ZFYVE28: variants seen among roughly 807,000 people sequenced by gnomAD.
ZFYVE28 encodes the protein zinc finger FYVE-type containing 28.
Under a neutral mutation model 82.1 loss-of-function variants are expected in ZFYVE28, and 40 were observed. The observed-to-expected ratio is 0.49, with a 90% CI of 0.38 to 0.63. The LOEUF (loss-of-function observed/expected upper bound fraction) is 0.63, where lower values mean the gene tolerates loss of function less well. ZFYVE28 is among the 30% of genes least tolerant of loss of function. ZFYVE28 has a pLI of 0.00. For missense variants in ZFYVE28, 1,321 were observed against 1,242.1 expected (o/e 1.06, Z -0.96); for synonymous variants, 612 against 546.1 (o/e 1.12, Z -1.68).
intron 1 of ZFYVE28, chr4:2,364,685 C>CT: frequency 2.0e-6 from 2 of 985,502 alleles, no homozygotes; most frequent in Non-Finnish European, 2.4e-6. Context: ...TGGACAAGCC[C>CT]TTAGCACCTC....
At chr4:2,291,156 G>A (rs1312035604) in intron 8 of ZFYVE28, among the ~76,000 whole-genome samples, 6 of 152,268 alleles carry the variant, frequency 3.9e-5, no homozygotes, top group Non-Finnish European at 1.5e-5. Flanking sequence ...CACAACTGGC[G>A]AGTCTCAGAG....
chr4:2,321,910 C>T (rs1213389035), intron 6 of ZFYVE28, among the ~76,000 whole-genome samples: 3 of 152,144 alleles, frequency 2.0e-5, no homozygotes, highest in Non-Finnish European at 4.4e-5. Flanking sequence ...GGGACAAGGC[C>T]CACCCATGAG....
At chr4:2,318,822 T>C (rs1314154727) in intron 7 of ZFYVE28, among the ~76,000 whole-genome samples, 2 of 151,920 alleles carry the variant, frequency 1.3e-5, no homozygotes, top group Non-Finnish European at 2.9e-5. Flanking sequence ...GGAGGAAAGC[T>C]TAAGCCTAGG....
At position 2,320,361 on chromosome 4, in the gene ZFYVE28, G is replaced by A. The variant is rs961778548; in HGVS notation, c.702-90C>T. The A allele has an allele frequency of 1.4e-5, 16 of 1,150,750 alleles. No individual in the cohort carries two copies. Among genetic ancestry groups the A allele is most frequent in the South Asian group, 5.7e-5 (4 of 70,148 alleles). The allele number at this position is 1,150,750 out of a possible 1,614,324, so 71.3% of individuals were successfully genotyped here. A position where few individuals can be genotyped will look rare whatever the true frequency, so the allele number is the denominator to read the frequency against. On this transcript the variant is annotated intron_variant, in intron 6 of 12. Transcript: ENST00000290974. The surrounding 1 kb of genome is among the most constrained non-coding windows in gnomAD (Gnocchi z 5.1). ...CAACTTAACCACCTGCGAAAACCAC[G>A]CCCGCTGGGACTCTGCAGCGCCACT... is the stretch of plus-strand genomic sequence containing the variant.
intron 8 of ZFYVE28, among the ~76,000 whole-genome samples, chr4:2,278,929 TC>T (rs35053913): frequency 0.66 from 94,411 of 143,982 alleles, 31,607 homozygotes; most frequent in African/African-American, 0.8. Flanking sequence ...ATTAGAATGT[TC>T]CCCCCCCCCT....
At chr4:2,319,935 C>T (rs1297342281) in intron 7 of ZFYVE28, among the ~76,000 whole-genome samples, 2 of 152,154 alleles carry the variant, frequency 1.3e-5, no homozygotes, top group South Asian at 4.1e-4. Context: ...GGTTCACTCC[C>T]CCAGCTCAGC....
At chr4:2,348,610 TA>T (rs1235431872) in intron 2 of ZFYVE28, among the ~76,000 whole-genome samples, 2 of 152,122 alleles carry the variant, frequency 1.3e-5, no homozygotes, top group Non-Finnish European at 2.9e-5. Flanking sequence ...AATGCAGGAG[TA>T]ATTTTTTTTA....
chr4:2,358,431 C>T (rs572039591), intron 1 of ZFYVE28, among the ~76,000 whole-genome samples: 1 of 152,270 alleles, frequency 6.6e-6, no homozygotes, highest in African/African-American at 2.4e-5. Context: ...GGTAGGGAAC[C>T]CTTCAGGGAC....
chr4:2,357,468 T>G (rs1725502775), intron 1 of ZFYVE28, among the ~76,000 whole-genome samples: 1 of 152,182 alleles, frequency 6.6e-6, no homozygotes, highest in Admixed American at 6.5e-5. Flanking sequence ...AAGGCCTGCA[T>G]GAGACCCGCT....
chr4:2,315,901 T>A (rs1718136668), intron 7 of ZFYVE28, among the ~76,000 whole-genome samples: 1 of 152,142 alleles, frequency 6.6e-6, no homozygotes, highest in Non-Finnish European at 1.5e-5. Flanking sequence ...GGGATTCCAA[T>A]TATGTTTTTT....
Position 2,305,145 on chromosome 4 carries a change from G to T in ZFYVE28, c.1195C>A (p.Arg399Ser). The T allele has an allele frequency of 1.3e-6, 2 of 1,589,238 alleles. No individual in the cohort carries two copies. The highest frequency in any genetic ancestry group is 1.7e-6 in the Non-Finnish European group (2 of 1,166,122). Residue 399 changes from arginine (R) to serine (S), a missense_variant, in exon 8 of 13, where the codon CGC becomes AGC. Arg to Ser is a moderately radical substitution (Grantham distance 110, BLOSUM62 -1). Coordinates refer to ENST00000290974, the MANE Select transcript of ZFYVE28 (RefSeq NM_020972.3). ...RLRSGSDEEE[R>S]VFFMDDVEGT... ...TCCACGTCATCCATGAAGAACACGC[G>T]CTCCTCCTCGTCACTGCCTGACCGC...
intron 1 of ZFYVE28, among the ~76,000 whole-genome samples, chr4:2,393,826 T>C (rs558529980): frequency 1.3e-5 from 2 of 152,266 alleles, no homozygotes; most frequent in South Asian, 4.1e-4. Flanking sequence ...GCTGTGCGTG[T>C]CCCCAGGAGG....
In ZFYVE28 at chr4:2,300,056, C is replaced by T. The variant is rs1304521175; in HGVS notation, c.2051+4233G>A. 7.9e-5 allele frequency among the ~76,000 whole-genome samples: 12 copies of T among 152,208 alleles called. No individual in the cohort carries two copies. Among genetic ancestry groups the T allele is most frequent in the Non-Finnish European group, 1.5e-4 (10 of 68,036 alleles). ...CAAGCAATACGCCTGCCTCAGCCCC[C>T]AAAGTGCTGGGAATACAAGCATAAG... is the stretch of plus-strand genomic sequence containing the variant. On this transcript the variant is annotated intron_variant, in intron 8 of 12. Transcript: ENST00000290974. The surrounding 1 kb of genome is among the most constrained non-coding windows in gnomAD (Gnocchi z 4.6).
intron 1 of ZFYVE28, among the ~76,000 whole-genome samples, chr4:2,381,604 AC>A (rs1728740851): frequency 6.6e-6 from 1 of 152,126 alleles, no homozygotes; most frequent in Non-Finnish European, 1.5e-5. Flanking sequence ...ATGGGGTTCC[AC>A]CGTATTGGCC....
At chr4:2,280,435 G>C (rs572671592) in intron 8 of ZFYVE28, among the ~76,000 whole-genome samples, 16 of 152,240 alleles carry the variant, frequency 1.1e-4, no homozygotes, top group African/African-American at 3.9e-4. Context: ...TTGAGCCCAG[G>C]AGTTCAAGGG....
At chr4:2,330,605 A>C in intron 6 of ZFYVE28, 5 of 1,293,778 alleles carry the variant, frequency 3.9e-6, no homozygotes, top group Non-Finnish European at 4.9e-6. Flanking sequence ...AGAGGAGGGA[A>C]CAGCATAGAC....
At chr4:2,297,286 G>A (rs1205290126) in intron 8 of ZFYVE28, among the ~76,000 whole-genome samples, 1 of 152,238 alleles carries the variant, frequency 6.6e-6, no homozygotes, top group African/African-American at 2.4e-5. Flanking sequence ...TCACCATGGG[G>A]CAGAGGGTCA....
intron 1 of ZFYVE28, among the ~76,000 whole-genome samples, chr4:2,370,218 C>T (rs1387397026): frequency 6.6e-6 from 1 of 152,116 alleles, no homozygotes; most frequent in Admixed American, 6.5e-5. Flanking sequence ...GAAGATGCCC[C>T]TCTCCCACAG....
At chr4:2,313,093 G>T (rs949214111) in intron 7 of ZFYVE28, among the ~76,000 whole-genome samples, 4 of 151,466 alleles carry the variant, frequency 2.6e-5, no homozygotes, top group Non-Finnish European at 5.9e-5. Flanking sequence ...TCATGTAATT[G>T]GGGATTTTTC....
Sources: allele counts gnomAD v4.1 joint callset (sites outside exome capture counted in the v4.1 genomes callset), GRCh38; gene constraint gnomAD v4.1.1; non-coding constraint Gnocchi (gnomAD v3.1); transcripts MANE v1.5; gene names NCBI Gene and HGNC (gene_info 2026-07-23, HGNC 2026-07-21).